The following RALGAPA2 variants were observed in gnomAD, a reference collection of about 807,000 sequenced individuals.
RALGAPA2 encodes the protein Ral GTPase activating protein catalytic subunit alpha 2, also known as ral GTPase-activating protein subunit alpha-2.
RALGAPA2 carries 139 observed loss-of-function variants against 230.4 expected under a neutral mutation model. The observed-to-expected ratio is 0.60, with a 90% CI of 0.53 to 0.69. RALGAPA2 has a LOEUF of 0.69. Ranked by LOEUF, RALGAPA2 falls within the 30% of genes least tolerant of loss-of-function variation. The pLI is 0.00. For missense variants in RALGAPA2, 2,163 were observed against 2,276.0 expected, an observed-to-expected ratio of 0.95 and a Z score of 1.01; for synonymous variants, 847 against 837.8, an observed-to-expected ratio of 1.01 and a Z score of -0.19.
intron 13 of RALGAPA2, among the ~76,000 whole-genome samples, chr20:20,614,789 A>C (rs889591461): frequency 5.9e-5 from 9 of 152,210 alleles, no homozygotes; most frequent in Middle Eastern, 3.2e-3. Context: ...GTTTCCTACC[A>C]ACTGCAGACA....
intron 16 of RALGAPA2, among the ~76,000 whole-genome samples, chr20:20,595,402 G>A (rs760052468): frequency 5.3e-5 from 8 of 152,130 alleles, no homozygotes; most frequent in Non-Finnish European, 8.8e-5. Context: ...TCAGCATCTT[G>A]AGGTTTCCCA....
chr20:20,528,294 C>T (rs897988552), intron 27 of RALGAPA2, among the ~76,000 whole-genome samples: 13 of 152,296 alleles, frequency 8.5e-5, no homozygotes, highest in Admixed American at 7.8e-4. Context: ...AGCGCTCCAG[C>T]CTGTGGGCTG....
At chr20:20,559,320 C>T (rs1323040426) in intron 23 of RALGAPA2, among the ~76,000 whole-genome samples, 1 of 152,184 alleles carries the variant, frequency 6.6e-6, no homozygotes, top group East Asian at 1.9e-4. Flanking sequence ...TCTCCCACCC[C>T]TCCCATTTAG....
intron 3 of RALGAPA2, among the ~76,000 whole-genome samples, chr20:20,671,783 T>G (rs1307416254): frequency 6.6e-6 from 1 of 152,108 alleles, no homozygotes; most frequent in Non-Finnish European, 1.5e-5. Flanking sequence ...TATCAAAACT[T>G]CTGTGAGAGG....
At chr20:20,477,779 G>T (rs945409125) in intron 36 of RALGAPA2, among the ~76,000 whole-genome samples, 2 of 152,066 alleles carry the variant, frequency 1.3e-5, no homozygotes, top group Middle Eastern at 3.2e-3. Context: ...GTAGAGACGG[G>T]GTTTCACCAT....
intron 23 of RALGAPA2, among the ~76,000 whole-genome samples, chr20:20,559,876 C>T (rs925477200): frequency 1.3e-5 from 2 of 152,084 alleles, no homozygotes; most frequent in African/African-American, 2.4e-5. Context: ...TTCAAAAGGG[C>T]AAAGGAGATT....
Position 20,454,401 on chromosome 20 carries a change from T to C in RALGAPA2, c.5495+18428A>G, listed in dbSNP as rs2061061098. ...ACAGCAGGCATGACACTCGTGGCTCTATTGGCCACTGCTGCCTGCTCCTTA... is the reference window on the plus strand; with the variant it reads ...ACAGCAGGCATGACACTCGTGGCTCCATTGGCCACTGCTGCCTGCTCCTTA... On this transcript the variant is annotated intron_variant, in intron 37 of 39. Transcript: ENST00000202677. 2.0e-5 allele frequency among the ~76,000 whole-genome samples: 3 copies of C among 152,246 alleles called. 1 individual carries two copies.
chr20:20,486,256 T>C (rs886287398), intron 36 of RALGAPA2, among the ~76,000 whole-genome samples: 5 of 151,676 alleles, frequency 3.3e-5, no homozygotes, highest in Non-Finnish European at 7.4e-5. Context: ...TTTTTTTTTA[T>C]GATGAAGGAA....
At chr20:20,626,695 C>T (rs1229506752) in intron 10 of RALGAPA2, among the ~76,000 whole-genome samples, 1 of 152,236 alleles carries the variant, frequency 6.6e-6, no homozygotes, top group African/African-American at 2.4e-5. Flanking sequence ...GTCATCTTAT[C>T]TGATATGAAG....
chr20:20,523,142 C>T (rs908924479), intron 30 of RALGAPA2, among the ~76,000 whole-genome samples: 3 of 152,030 alleles, frequency 2.0e-5, no homozygotes, highest in Admixed American at 2.0e-4. Context: ...GAATAAACCA[C>T]AGAATTTTCC....
intron 8 of RALGAPA2, among the ~76,000 whole-genome samples, chr20:20,636,747 C>A (rs1187613113): frequency 1.3e-5 from 2 of 152,094 alleles, no homozygotes; most frequent in Non-Finnish European, 2.9e-5. Context: ...AGATTTGACC[C>A]CCACCTTTAC....
chr20:20,573,017 AG>A lies in RALGAPA2; in HGVS notation c.2758del (p.Leu920SerfsTer23), dbSNP rs1181004208. 1 of 1,610,772 alleles carries A rather than the reference AG, an allele frequency of 6.2e-7. No homozygotes were observed. The highest frequency in any genetic ancestry group is 8.5e-7 in the Non-Finnish European group (1 of 1,178,630). On this transcript the variant is annotated frameshift_variant, in exon 21 of 40. Transcript: ENST00000202677. LOFTEE classifies it high-confidence loss of function. The stretch of plus-strand genomic sequence containing the variant: ...AGCAGAGTCTGGGTGCCAACCAGTG[AG>A]GCTCCCCCCGGCGATTATACTACAG... The part of the protein sequence containing the change: ...DDCSIIAGGS[L>X]TGWHPDSAAV...
chr20:20,574,638 T>C (rs545526009), intron 20 of RALGAPA2, among the ~76,000 whole-genome samples: 56 of 152,294 alleles, frequency 3.7e-4, no homozygotes, highest in African/African-American at 1.3e-3. Context: ...ATTTATTTCA[T>C]AGTATGTATG....
chr20:20,433,920 T>C (rs2060551724), intron 37 of RALGAPA2, among the ~76,000 whole-genome samples: 1 of 152,222 alleles, frequency 6.6e-6, no homozygotes, highest in African/African-American at 2.4e-5. Context: ...ATGATATGTA[T>C]TTTATATAGT....
At chr20:20,509,330 TG>T (rs1413851004) in intron 33 of RALGAPA2, among the ~76,000 whole-genome samples, 3 of 152,220 alleles carry the variant, frequency 2.0e-5, no homozygotes, top group Non-Finnish European at 4.4e-5. Flanking sequence ...AATCTTTTAC[TG>T]TCTCACCTGA....
intron 36 of RALGAPA2, among the ~76,000 whole-genome samples, chr20:20,483,536 T>G (rs539208895): frequency 6.6e-6 from 1 of 152,146 alleles, no homozygotes; most frequent in South Asian, 2.1e-4. Flanking sequence ...CACTAAGGCA[T>G]CAGGACCATC....
At chr20:20,565,432 C>G (rs1057399009) in intron 23 of RALGAPA2, among the ~76,000 whole-genome samples, 1 of 152,134 alleles carries the variant, frequency 6.6e-6, no homozygotes, top group African/African-American at 2.4e-5. Context: ...TTACAAGTAT[C>G]ACCCCTGCAC....
chr20:20,628,575 G>A (rs2066566581), intron 10 of RALGAPA2, among the ~76,000 whole-genome samples: 1 of 151,198 alleles, frequency 6.6e-6, no homozygotes, highest in Non-Finnish European at 1.5e-5. Flanking sequence ...GAGCCAGATA[G>A]TTCTTTGTCA....
chr20:20,524,718 C>T, intron 29 of RALGAPA2, 112 bp downstream of exon 29: 1 of 1,289,886 alleles, frequency 7.8e-7, no homozygotes, highest in Non-Finnish European at 1.1e-6. Flanking sequence ...ACTGTTAAGG[C>T]CAATAGAGAA....
Sources: gnomAD v4.1 joint callset for allele counts (sites outside exome capture counted in the v4.1 genomes callset) on GRCh38, gnomAD v4.1.1 for gene constraint, MANE v1.5 for transcripts, NCBI Gene and HGNC (gene_info 2026-07-23, HGNC 2026-07-21) for gene names.